PCDHGB3: variants seen among roughly 807,000 people sequenced by gnomAD.
The protein encoded by PCDHGB3 is protocadherin gamma subfamily B, 3.
A neutral mutation model predicts 59.2 loss-of-function variants in PCDHGB3; 40 were observed. The ratio of observed to expected loss-of-function variants is 0.68; its 90% CI spans 0.52 to 0.88. The LOEUF is 0.88. Among genes scored for constraint, PCDHGB3 ranks in the 40% least tolerant of loss-of-function variants. The pLI is 0.00. For missense variants in PCDHGB3, 1,309 were observed against 1,187.9 expected (o/e 1.10, Z -1.50); for synonymous variants, 581 against 503.6 (o/e 1.15, Z -2.06).
At chr5:141,415,304 C>T (rs1468756434) in intron 1 of PCDHGB3, 2 of 1,614,188 alleles carry the variant, frequency 1.2e-6, no homozygotes, top group Non-Finnish European at 8.5e-7. Context: ...GTCTTCCTGG[C>T]CTTCGTCATC....
At chr5:141,467,767 C>T (rs72790060) in intron 1 of PCDHGB3, among the ~76,000 whole-genome samples, 25,555 of 151,632 alleles carry the variant, frequency 0.17, 2,195 homozygotes, top group South Asian at 0.22. Context: ...GCTCAAGTGC[C>T]CGCACCTCAG....
chr5:141,372,860 A>T (rs1224709282), intron 1 of PCDHGB3, 51 bp downstream of exon 1: 1 of 1,419,644 alleles, frequency 7.0e-7, no homozygotes, highest in African/African-American at 1.4e-5. Context: ...GTTTCAATTC[A>T]TTGATTTAGA....
chr5:141,421,787 C>T (rs753196648), intron 1 of PCDHGB3: 8 of 1,613,694 alleles, frequency 5.0e-6, no homozygotes, highest in East Asian at 2.2e-5. Context: ...CGGGGCAGAA[C>T]GGATGGGGCC....
At chr5:141,374,204 A>G in intron 1 of PCDHGB3, 1 of 1,613,902 alleles carries the variant, frequency 6.2e-7, no homozygotes. Flanking sequence ...GGAGCTGGAG[A>G]AAGGCTCCTT....
chr5:141,372,593 C>G lies in PCDHGB3; in HGVS notation c.2199C>G (p.Phe733Leu), dbSNP rs748684942. Residue 733 changes from phenylalanine (F) to leucine (L), a missense_variant, in exon 1 of 4, where the codon TTC (phenylalanine) becomes TTG (leucine). By Grantham distance (22) the Phe-to-Leu change is conservative. Transcript: ENST00000576222. ...GCTACTTTCAGCCTGGTGTCTGCTT[C>G]AAGACTGTACCTGGAGTTCTCCCCA... ...TEGYFQPGVCFKTVPGVLPTY... is the reference protein window; with the variant it reads ...TEGYFQPGVCLKTVPGVLPTY... 6.2e-7 allele frequency: 1 copy of G among 1,614,030 alleles called. No individual in the cohort carries two copies. Among genetic ancestry groups the G allele is most frequent in the Non-Finnish European group, 8.5e-7 (1 of 1,179,892 alleles).
At chr5:141,388,628 G>C (rs752578230) in intron 1 of PCDHGB3, 1 of 1,613,780 alleles carries the variant, frequency 6.2e-7, no homozygotes, top group African/African-American at 1.3e-5. Context: ...ACGTATACAG[G>C]GTGAGCCTTT....
intron 1 of PCDHGB3, chr5:141,478,312 C>T (rs768312280): frequency 8.1e-6 from 13 of 1,614,002 alleles, no homozygotes; most frequent in East Asian, 2.2e-5. Flanking sequence ...CCCCGGTGAG[C>T]TCACTGTACC....
Position 141,370,488 on chromosome 5 carries a change from C to G in PCDHGB3, c.94C>G (p.Pro32Ala), listed in dbSNP as rs758506114. ...TTTGTTAGACCAGGCTCTCTCCGAA[C>G]CGATCCGCTACGCTATTCCCGAGGA... ...LSLLDQALSEPIRYAIPEELD... is the reference protein window; with the variant it reads ...LSLLDQALSEAIRYAIPEELD... Residue 32 changes from proline (P) to alanine (A), a missense_variant, in exon 1 of 4, where the codon CCG (proline) becomes GCG (alanine). Coordinates refer to ENST00000576222, the MANE Select transcript of PCDHGB3 (RefSeq NM_018924.5). 2 of 1,613,906 alleles carry G rather than the reference C, an allele frequency of 1.2e-6. No individual in the cohort carries two copies. Among genetic ancestry groups the G allele is most frequent in the South Asian group, 2.2e-5 (2 of 91,076 alleles).
At chr5:141,378,114 A>T (rs1024564517) in intron 1 of PCDHGB3, 1 of 152,284 alleles carries the variant, frequency 6.6e-6, no homozygotes, top group African/African-American at 2.4e-5. Flanking sequence ...CAGCATAGTG[A>T]ACACGTATTT....
Position 141,432,928 on chromosome 5 carries a change from C to T in PCDHGB3, c.2415+60119C>T, listed in dbSNP as rs1443097611. ...GGCTGCGGCGCTGGCACAAGTCACG[C>T]CTGCTGCAGGCTTCAGGAGGCGGCT... On this transcript the variant is annotated intron_variant, in intron 1 of 3. Transcript: ENST00000576222. This position sits in a 1 kb window ranked among gnomAD's most constrained non-coding sequence, Gnocchi z 6.0. 1.2e-6 allele frequency: 2 copies of T among 1,614,066 alleles called. No homozygotes were observed. Among genetic ancestry groups the T allele is most frequent in the African/African-American group, 1.3e-5 (1 of 74,942 alleles).
chr5:141,426,971 G>A, intron 1 of PCDHGB3: 1 of 456,732 alleles, frequency 2.2e-6, no homozygotes, highest in South Asian at 1.5e-5. Context: ...TTCAAATTGA[G>A]GTCACTGATG....
chr5:141,427,428 T>C (rs1489623330), intron 1 of PCDHGB3: 3 of 470,472 alleles, frequency 6.4e-6, no homozygotes, highest in Admixed American at 4.7e-5. Context: ...GGAGGTTACA[T>C]GCCTCATAAA....
chr5:141,511,411 A>T lies in PCDHGB3; in HGVS notation c.*238A>T. On this transcript the variant is annotated 3_prime_UTR_variant, in exon 4 of 4. Transcript: ENST00000576222. ...GAACCCCCATCCAATCAACTGCTGTACCCATGGGGGTAGTGGGGTTACTGT... is the reference window on the plus strand; with the variant it reads ...GAACCCCCATCCAATCAACTGCTGTTCCCATGGGGGTAGTGGGGTTACTGT... 1.1e-6 allele frequency: 1 copy of T among 901,334 alleles called. No individual in the cohort carries two copies. Among genetic ancestry groups the T allele is most frequent in the Non-Finnish European group, 1.6e-6 (1 of 617,750 alleles). 55.8% of individuals were successfully genotyped at this position (901,334 alleles called of 1,614,324 possible).
At chr5:141,427,678 C>T in intron 1 of PCDHGB3, 1 of 822,634 alleles carries the variant, frequency 1.2e-6, no homozygotes, top group Non-Finnish European at 2.0e-6. Flanking sequence ...AACAACCTTC[C>T]CGGAGCCTCC....
chr5:141,408,660 C>T, intron 1 of PCDHGB3: 1 of 1,613,980 alleles, frequency 6.2e-7, no homozygotes, highest in East Asian at 2.2e-5. Context: ...ACACGACTAT[C>T]GCTTGACCCT....
At position 141,427,886 on chromosome 5, in the gene PCDHGB3, C is replaced by T. The variant is rs908553179; in HGVS notation, c.2415+55077C>T. The T allele has an allele frequency of 1.9e-6, 3 of 1,565,276 alleles. 1 individual carries two copies. On this transcript the variant is annotated intron_variant, in intron 1 of 3. Coordinates refer to ENST00000576222, the MANE Select transcript of PCDHGB3 (RefSeq NM_018924.5). ...TCGAGCTCACGATGCAGGCCCACGA[C>T]CAGGGCTCGCCCGCGCTCAGCGCCA...
At chr5:141,461,178 G>A (rs2154567263) in intron 1 of PCDHGB3, among the ~76,000 whole-genome samples, 1 of 152,144 alleles carries the variant, frequency 6.6e-6, no homozygotes, top group East Asian at 1.9e-4. Context: ...TGGATTGAAT[G>A]GTAGATCTGT....
At chr5:141,469,721 A>G (rs1238006043) in intron 1 of PCDHGB3, among the ~76,000 whole-genome samples, 5 of 152,270 alleles carry the variant, frequency 3.3e-5, no homozygotes, top group African/African-American at 1.2e-4. Context: ...TTAGGAATTT[A>G]TCATAAATAC....
intron 1 of PCDHGB3, among the ~76,000 whole-genome samples, chr5:141,380,556 A>G (rs560395127): frequency 1.3e-5 from 2 of 152,362 alleles, no homozygotes; most frequent in South Asian, 2.1e-4. Flanking sequence ...CTTATGTTAG[A>G]TTTTATTAAA....
Sources: gnomAD v4.1 joint callset for allele counts (sites outside exome capture counted in the v4.1 genomes callset) on GRCh38, gnomAD v4.1.1 for gene constraint, Gnocchi (gnomAD v3.1) non-coding constraint, MANE v1.5 for transcripts, NCBI Gene and HGNC (gene_info 2026-07-23, HGNC 2026-07-21) for gene names.